Variants in F5 observed in about 807,000 individuals in gnomAD.
F5 encodes the protein activated protein c cofactor.
In F5, 138 loss-of-function variants were observed where a neutral mutation model predicts 216.4. The ratio of observed to expected loss-of-function variants is 0.64; its 90% CI spans 0.56 to 0.73. The LOEUF is 0.73. F5 is among the 30% of genes least tolerant of loss of function. F5 has a pLI of 0.00. For synonymous variants in F5, 916 were observed against 930.7 expected (o/e 0.98, Z 0.29); for missense variants, 2,403 against 2,674.0 (o/e 0.90, Z 2.24).
Position 169,540,501 on chromosome 1 carries a change from T to A in F5, c.4589A>T (p.Glu1530Val). ...TDYIEIIPKE[E>V]VQSSEDDYAE... ...ATAGTCATCTTCACTGCTCTGGACC[T>A]CTTCCTTTGGAATGATCTCAATGTA... The change falls in exon 13 of 25, where the codon GAG becomes GTG. Residue 1530 changes from glutamate to valine, a missense_variant. Coordinates refer to ENST00000367797, the MANE Select transcript of F5 (RefSeq NM_000130.5). The A allele has an allele frequency of 1.2e-6, 2 of 1,614,014 alleles. No individual in the cohort carries two copies. The highest frequency in any genetic ancestry group is 1.7e-6 in the Non-Finnish European group (2 of 1,179,960).
At chr1:169,584,377 CA>C (rs1408246356) in intron 1 of F5, among the ~76,000 whole-genome samples, 2 of 152,156 alleles carry the variant, frequency 1.3e-5, no homozygotes, top group Non-Finnish European at 2.9e-5. Flanking sequence ...TTCATAATCA[CA>C]AAATCATATA....
rs1351188196 is a variant in F5 at position 169,556,535 on chromosome 1, A to G, written c.952+111T>C. The G allele has an allele frequency of 4.1e-6, 4 of 987,308 alleles. No homozygotes were observed. In the Admixed American group the frequency reaches 7.9e-5, roughly 20 times the overall value. The allele number at this position is 987,308 out of a possible 1,614,324, so 61.2% of individuals were successfully genotyped here. ...AGTTTGGTTGTTAGGAACTGAGGAAAGTTTGTCTGCGGTGCAGGTGGCTTG... is the reference window on the plus strand; with the variant it reads ...AGTTTGGTTGTTAGGAACTGAGGAAGGTTTGTCTGCGGTGCAGGTGGCTTG... On this transcript the variant is annotated intron_variant, in intron 6 of 24. Transcript: ENST00000367797.
At chr1:169,581,199 G>A (rs983342852) in intron 2 of F5, among the ~76,000 whole-genome samples, 3 of 152,134 alleles carry the variant, frequency 2.0e-5, no homozygotes, top group Admixed American at 1.3e-4. Flanking sequence ...CAGGTAAAGC[G>A]AGAGCTTCAG....
intron 2 of F5, among the ~76,000 whole-genome samples, chr1:169,580,339 C>A (rs1008607556): frequency 1.3e-5 from 2 of 151,888 alleles, no homozygotes; most frequent in Non-Finnish European, 2.9e-5. Context: ...TATCCCAGAG[C>A]CTAGAATGTA....
chr1:169,523,094 C>A, intron 21 of F5, 103 bp downstream of exon 21: 3 of 1,303,654 alleles, frequency 2.3e-6, no homozygotes, highest in Non-Finnish European at 3.3e-6. Flanking sequence ...ATTTCTAATA[C>A]CCAGAAAGGT....
intron 2 of F5, among the ~76,000 whole-genome samples, chr1:169,574,501 CGCCATTAGGCGTCCT>C (rs1660798006): frequency 6.6e-6 from 1 of 152,180 alleles, no homozygotes; most frequent in African/African-American, 2.4e-5. Context: ...ATTGGCTTCT[CGCCATTAGGCGTCCT>C]AGAAGCAGGA....
chr1:169,526,331 G>C lies in F5; in HGVS notation c.5600-314C>G, dbSNP rs9332634. Among the ~76,000 whole-genome samples the C allele has an allele frequency of 9.0e-3, 1,364 of 152,166 alleles. 22 individuals are homozygous for C. The highest frequency in any genetic ancestry group is 0.03 in the African/African-American group (1,250 of 41,526). On this transcript the variant is annotated intron_variant, in intron 17 of 24. Coordinates refer to ENST00000367797, the MANE Select transcript of F5 (RefSeq NM_000130.5). ...CAGTCCTAATTATCAAAGTGACCTC[G>C]AATGACATCATTGGGCTTCAAAAAT...
chr1:169,515,343 G>A, intron 24 of F5, 101 bp downstream of exon 24: 1 of 1,321,648 alleles, frequency 7.6e-7, no homozygotes, highest in Non-Finnish European at 1.1e-6. Flanking sequence ...GACTTAAAGA[G>A]GTGGTACATG....
chr1:169,548,158 T>C (rs1660058593), intron 10 of F5, among the ~76,000 whole-genome samples: 1 of 151,924 alleles, frequency 6.6e-6, no homozygotes, highest in Non-Finnish European at 1.5e-5. Flanking sequence ...CATGGACACA[T>C]AGAAGGGAAC....
chr1:169,536,471 C>G, intron 14 of F5, 35 bp downstream of exon 14: 1 of 1,595,070 alleles, frequency 6.3e-7, no homozygotes, highest in South Asian at 1.1e-5. Flanking sequence ...TGTGGAAATT[C>G]CTCCGAAGAT....
chr1:169,584,787 G>A (rs1443545228), intron 1 of F5, among the ~76,000 whole-genome samples: 1 of 152,168 alleles, frequency 6.6e-6, no homozygotes. Context: ...CAGTTTGTCT[G>A]GGTTGTGTTT....
In F5 at chr1:169,544,488, C is replaced by T; in HGVS notation, c.1783G>A (p.Glu595Lys). The change falls in exon 12 of 25, where the codon GAG becomes AAG. Residue 595 changes from glutamate to lysine, a missense_variant. By Grantham distance (56) the Glu-to-Lys change is moderately conservative. This residue lies in a region of F5 where 1,425 missense variants were observed against 1,554.8 expected (regional missense o/e 0.92). Transcript: ENST00000367797. ...CAGAATCCAAGAGTAGTTATGCTCT[C>T]AGGCACATAGCCATTGATAGCTGAA... ...IMSTINGYVPESITTLGFCFD... is the reference protein window; with the variant it reads ...IMSTINGYVPKSITTLGFCFD... 6.2e-7 allele frequency: 1 copy of T among 1,613,980 alleles called. No individual in the cohort carries two copies. Among genetic ancestry groups the T allele is most frequent in the Non-Finnish European group, 8.5e-7 (1 of 1,179,926 alleles).
chr1:169,553,753 C>T (rs1660238000), intron 7 of F5, among the ~76,000 whole-genome samples: 1 of 152,052 alleles, frequency 6.6e-6, no homozygotes, highest in South Asian at 2.1e-4. Context: ...ATGAGATGCC[C>T]TCTCATGCCA....
At chr1:169,558,229 C>G (rs1660376180) in intron 5 of F5, among the ~76,000 whole-genome samples, 1 of 131,084 alleles carries the variant, frequency 7.6e-6, no homozygotes, top group African/African-American at 3.5e-5. Flanking sequence ...CTCAGATTAT[C>G]TAAGGTCGAG....
chr1:169,562,504 T>C (rs1660506155), intron 3 of F5, among the ~76,000 whole-genome samples: 2 of 152,086 alleles, frequency 1.3e-5, no homozygotes, highest in Admixed American at 6.6e-5. Flanking sequence ...AAAACTGCCA[T>C]CTTTATATTT....
intron 11 of F5, among the ~76,000 whole-genome samples, chr1:169,545,766 T>C (rs980840418): frequency 6.6e-6 from 1 of 152,176 alleles, no homozygotes; most frequent in Non-Finnish European, 1.5e-5. Context: ...GAGAAGGTGA[T>C]TACCATGACT....
Position 169,560,629 on chromosome 1 carries a change from T to C in F5, c.511A>G (p.Ile171Val), listed in dbSNP as rs1003110107. Residue 171 changes from isoleucine to valine, a missense_variant, in exon 4 of 25, where the codon ATC becomes GTC. By Grantham distance (29) the Ile-to-Val change is conservative (BLOSUM62 3). Transcript: ENST00000367797. ...THDDPPCLTHIYYSHENLIED... is the reference protein window; with the variant it reads ...THDDPPCLTHVYYSHENLIED... ...ATCAGATTTTCATGGGAGTAATAGA[T>C]GTGTGTGAGGCATGGAGGGTCATCA... The C allele has an allele frequency of 1.2e-6, 2 of 1,613,758 alleles. No homozygotes were observed. Among genetic ancestry groups the C allele is most frequent in the East Asian group, 2.2e-5 (1 of 44,846 alleles).
intron 22 of F5, among the ~76,000 whole-genome samples, chr1:169,519,703 T>G (rs1290642208): frequency 6.6e-6 from 1 of 152,186 alleles, no homozygotes; most frequent in Non-Finnish European, 1.5e-5. Flanking sequence ...AGGTTTCTAG[T>G]GCACCTATTT....
rs1403644136 is a variant in F5, at chr1:169,512,193, G to A, written c.*2120C>T. ...TAGGGATATGATCATTTGGTTTCTGGTTTCAGTTCTGACACTAACAAGCAA... is the reference window on the plus strand; with the variant it reads ...TAGGGATATGATCATTTGGTTTCTGATTTCAGTTCTGACACTAACAAGCAA... On this transcript the variant is annotated 3_prime_UTR_variant, in exon 25 of 25. Transcript: ENST00000367797. 1.3e-5 allele frequency among the ~76,000 whole-genome samples: 2 copies of A among 151,950 alleles called. No individual in the cohort carries two copies. Among genetic ancestry groups the A allele is most frequent in the Non-Finnish European group, 2.9e-5 (2 of 67,956 alleles).
Sources: allele counts gnomAD v4.1 joint callset (sites outside exome capture counted in the v4.1 genomes callset), GRCh38; gene constraint gnomAD v4.1.1; regional missense constraint gnomAD v4.1.1; transcripts MANE v1.5; gene names NCBI Gene and HGNC (gene_info 2026-07-23, HGNC 2026-07-21).